LRCH3: variants seen among roughly 807,000 people sequenced by gnomAD.
LRCH3 encodes leucine rich repeats and calponin homology domain containing 3, also known as DISP complex protein LRCH3.
Under a neutral mutation model 104.5 loss-of-function variants are expected in LRCH3, and 68 were observed. The observed-to-expected ratio is 0.65, with a 90% CI of 0.54 to 0.80. LRCH3 has a LOEUF of 0.80. LRCH3 is among the 30% of genes least tolerant of loss of function. The pLI, the probability that LRCH3 is intolerant of heterozygous loss-of-function variation, is 0.00. For synonymous variants in LRCH3, 344 were observed against 361.3 expected, an observed-to-expected ratio of 0.95 and a Z score of 0.54; for missense variants, 951 against 953.9, an observed-to-expected ratio of 1.00 and a Z score of 0.04.
At chr3:197,837,686 C>T (rs1224993095) in intron 9 of LRCH3, among the ~76,000 whole-genome samples, 1 of 151,870 alleles carries the variant, frequency 6.6e-6, no homozygotes, top group East Asian at 1.9e-4. Flanking sequence ...AAACCAATGT[C>T]ACATTCATTT....
intron 10 of LRCH3, among the ~76,000 whole-genome samples, chr3:197,841,394 C>T (rs1737775671): frequency 6.6e-6 from 1 of 152,188 alleles, no homozygotes; most frequent in Non-Finnish European, 1.5e-5. Flanking sequence ...GCCAAATCCT[C>T]CTTATGTTTG....
chr3:197,816,976 G>A (rs954466905), intron 2 of LRCH3, among the ~76,000 whole-genome samples, 200 bp from the exon 3 acceptor site: 19 of 152,078 alleles, frequency 1.2e-4, no homozygotes, highest in African/African-American at 4.3e-4. Context: ...AGAAATCTCT[G>A]TAAGATGCAG....
chr3:197,879,523 G>A (rs1407988750), intron 20 of LRCH3, among the ~76,000 whole-genome samples: 3 of 151,680 alleles, frequency 2.0e-5, no homozygotes, highest in Non-Finnish European at 2.9e-5. Flanking sequence ...GCGGGCGCCT[G>A]TAGTCCCAGC....
intron 1 of LRCH3, among the ~76,000 whole-genome samples, chr3:197,812,475 A>G (rs1733237523): frequency 8.2e-6 from 1 of 122,244 alleles, no homozygotes; most frequent in South Asian, 2.6e-4. Context: ...ATATTGGCCT[A>G]CAAATATCTG....
At chr3:197,823,065 C>G (rs1216330040) in intron 4 of LRCH3, 2 of 35,498 alleles carry the variant, frequency 5.6e-5, no homozygotes, top group Admixed American at 7.3e-4. Context: ...TCTTGGCTCA[C>G]TGCAACCTCT....
Position 197,871,401 on chromosome 3 carries a change from A to G in LRCH3, c.2069A>G (p.His690Arg), listed in dbSNP as rs1319378875. 1 of 1,613,938 alleles carries G rather than the reference A, an allele frequency of 6.2e-7. No homozygotes were observed. The highest frequency in any genetic ancestry group is 1.3e-5 in the African/African-American group (1 of 74,876). The change falls in exon 19 of 21, where the codon CAT becomes CGT. Residue 690 changes from histidine (H) to arginine (R), a missense_variant. By Grantham distance (29) the His-to-Arg change is conservative. Coordinates refer to ENST00000425562, the MANE Select transcript of LRCH3 (RefSeq NM_001365715.1). ...AALTDGVVLC[H>R]LANHVRPRSV... is the part of the protein sequence containing the mutation. ...CTAACTGACGGTGTTGTTCTTTGCCATTTGGCCAATCATGTGCGACCTCGA... is the reference window on the plus strand; with the variant it reads ...CTAACTGACGGTGTTGTTCTTTGCCGTTTGGCCAATCATGTGCGACCTCGA...
rs1268450414 is a variant in LRCH3 at position 197,824,315 on chromosome 3, G to T, written c.641-2563G>T. On this transcript the variant is annotated intron_variant, in intron 4 of 20. Transcript: ENST00000425562. ...CCTGACCTCGTGATCCACCCGCCTT[G>T]GCCTCCCAAAGTGCTGGGATTACAG... Among the ~76,000 whole-genome samples, 5 of 150,028 alleles carry T rather than the reference G, an allele frequency of 3.3e-5. 1 individual carries two copies. The highest frequency in any genetic ancestry group is 1.2e-4 in the African/African-American group (5 of 40,800).
chr3:197,875,803 C>G, intron 20 of LRCH3, 28 bp downstream of exon 20: 1 of 1,387,170 alleles, frequency 7.2e-7, no homozygotes, highest in East Asian at 2.5e-5. Flanking sequence ...TTTTATGTTG[C>G]CTAAATAGAC....
At chr3:197,802,738 T>C (rs915778956) in intron 1 of LRCH3, among the ~76,000 whole-genome samples, 1 of 152,334 alleles carries the variant, frequency 6.6e-6, no homozygotes, top group African/African-American at 2.4e-5. Flanking sequence ...CCTAGGAATT[T>C]ATGCGTTTCT....
chr3:197,860,573 T>G (rs1387772183), intron 15 of LRCH3, among the ~76,000 whole-genome samples: 1 of 151,682 alleles, frequency 6.6e-6, no homozygotes, highest in Non-Finnish European at 1.5e-5. Context: ...CTAAAAACAT[T>G]AAAACCGAAT....
rs921386568 is a variant in LRCH3 at position 197,852,395 on chromosome 3, T to A, written c.1531-166T>A. Reference sequence around the variant, plus strand: ...TTTGTGTAGATATATGTATAGTTTTTAAAATTTCTAGCTAAACATTTTCTA... The same window carrying A: ...TTTGTGTAGATATATGTATAGTTTTAAAAATTTCTAGCTAAACATTTTCTA... On this transcript the variant is annotated intron_variant, in intron 12 of 20. Coordinates refer to ENST00000425562, the MANE Select transcript of LRCH3 (RefSeq NM_001365715.1). 22 of 643,844 alleles carry A rather than the reference T, an allele frequency of 3.4e-5. No homozygotes were observed. In the Admixed American group the frequency reaches 5.8e-4, roughly 17 times the overall value. The allele number at this position is 643,844 out of a possible 1,614,324, so 39.9% of individuals were successfully genotyped here.
At chr3:197,819,160 C>T (rs913461264) in intron 3 of LRCH3, among the ~76,000 whole-genome samples, 3 of 151,596 alleles carry the variant, frequency 2.0e-5, no homozygotes, top group African/African-American at 7.3e-5. Context: ...GAATGAGTGT[C>T]CCTAAAGCTC....
chr3:197,867,594 T>C (rs199716287), intron 17 of LRCH3, among the ~76,000 whole-genome samples: 2 of 151,544 alleles, frequency 1.3e-5, no homozygotes, highest in East Asian at 1.9e-4. Context: ...TGGCTCACAC[T>C]TGTAATCCCA....
intron 17 of LRCH3, among the ~76,000 whole-genome samples, chr3:197,867,179 AG>A (rs759083871): frequency 1.0e-3 from 159 of 152,312 alleles, no homozygotes; most frequent in Non-Finnish European, 1.7e-3. Flanking sequence ...CAGGAGGCTG[AG>A]GCAGGAGAAT....
chr3:197,860,849 A>AT (rs1371365770), intron 15 of LRCH3, among the ~76,000 whole-genome samples: 1 of 150,488 alleles, frequency 6.6e-6, no homozygotes, highest in Non-Finnish European at 1.5e-5. Context: ...TATTCTTTTT[A>AT]TTTTTTTTGG....
intron 1 of LRCH3, among the ~76,000 whole-genome samples, chr3:197,792,577 T>TTATATATATATGTATATATA (rs1553912027): frequency 4.9e-5 from 1 of 20,330 alleles, no homozygotes; most frequent in Non-Finnish European, 1.2e-4. Context: ...CCAGCTAATT[T>TTATATATATATGTATATATA]TATATATATA....
At chr3:197,831,174 A>T (rs1454986917) in intron 7 of LRCH3, 1 of 256,780 alleles carries the variant, frequency 3.9e-6, no homozygotes, top group East Asian at 9.7e-5. Context: ...TCTCGAGCAG[A>T]GGTGCTAGAT....
At chr3:197,817,472 C>T (rs1246431861) in intron 3 of LRCH3, among the ~76,000 whole-genome samples, 170 bp downstream of exon 3, 3 of 148,452 alleles carry the variant, frequency 2.0e-5, no homozygotes, top group African/African-American at 7.5e-5. Flanking sequence ...ACTTATTTTC[C>T]AGTATTGGTA....
chr3:197,841,750 G>C (rs961211032), intron 10 of LRCH3, among the ~76,000 whole-genome samples: 5 of 152,150 alleles, frequency 3.3e-5, no homozygotes, highest in African/African-American at 4.8e-5. Flanking sequence ...TATTTCCATT[G>C]GAAGAGTCAT....
Sources: allele counts gnomAD v4.1 joint callset (sites outside exome capture counted in the v4.1 genomes callset), GRCh38; gene constraint gnomAD v4.1.1; transcripts MANE v1.5; gene names NCBI Gene and HGNC (gene_info 2026-07-23, HGNC 2026-07-21).